Variants in SLC5A8 observed in about 807,000 individuals in gnomAD.
SLC5A8 encodes solute carrier family 5 member 8.
A neutral mutation model predicts 71.9 loss-of-function variants in SLC5A8; 55 were observed. That is an observed-to-expected ratio of 0.77 (90% CI 0.62 to 0.96). The LOEUF is 0.96. SLC5A8 is among the 40% of genes least tolerant of loss of function. The pLI, the probability that SLC5A8 is intolerant of heterozygous loss-of-function variation, is 0.00. For synonymous variants in SLC5A8, 307 were observed against 276.1 expected (o/e 1.11, Z -1.11); for missense variants, 701 against 745.3 (o/e 0.94, Z 0.69).
intron 12 of SLC5A8, among the ~76,000 whole-genome samples, chr12:101,163,103 G>A (rs1403186312): frequency 6.6e-6 from 1 of 152,156 alleles, no homozygotes; most frequent in Admixed American, 6.5e-5. Context: ...CTGAGGCACA[G>A]TGAGCAAGAC....
chr12:101,179,526 A>G (rs1019100206), intron 10 of SLC5A8, among the ~76,000 whole-genome samples: 3 of 152,216 alleles, frequency 2.0e-5, no homozygotes, highest in Non-Finnish European at 4.4e-5. Context: ...GAATTATGCC[A>G]AGTGAAAAAG....
At chr12:101,193,305 CTT>C (rs1389200898) in intron 5 of SLC5A8, among the ~76,000 whole-genome samples, 1 of 152,160 alleles carries the variant, frequency 6.6e-6, no homozygotes, top group East Asian at 1.9e-4. Flanking sequence ...TCCACTGTCT[CTT>C]TCCTTATCAC....
At chr12:101,185,457 G>C (rs1424572120) in intron 7 of SLC5A8, among the ~76,000 whole-genome samples, 1 of 152,234 alleles carries the variant, frequency 6.6e-6, no homozygotes, top group South Asian at 2.1e-4. Context: ...CAATGAAATA[G>C]GATTGATGGA....
chr12:101,161,889 TA>T, intron 13 of SLC5A8, 84 bp downstream of exon 13: 1 of 981,964 alleles, frequency 1.0e-6, no homozygotes, highest in Non-Finnish European at 1.6e-6. Flanking sequence ...AGGATCATAG[TA>T]AAATAACATA....
intron 1 of SLC5A8, among the ~76,000 whole-genome samples, chr12:101,206,896 T>G (rs144928499): frequency 2.4e-4 from 37 of 152,180 alleles, no homozygotes; most frequent in African/African-American, 7.0e-4. Context: ...GACTACATTT[T>G]GAAGGCAGTG....
intron 11 of SLC5A8, among the ~76,000 whole-genome samples, chr12:101,167,639 GGGAGCTACAGCTTTAAATGTCA>G (rs2051786106): frequency 6.6e-6 from 1 of 152,152 alleles, no homozygotes; most frequent in Non-Finnish European, 1.5e-5. Flanking sequence ...ATCATGTTGT[GGGAGCTACAGCTTTAAATGTCA>G]GGAGTAGAAA....
rs970937262 is a variant in SLC5A8 at position 101,210,025 on chromosome 12, G to A, written c.-177C>T. The A allele has an allele frequency of 7.2e-6, 4 of 558,420 alleles. No individual in the cohort carries two copies. Among genetic ancestry groups the A allele is most frequent in the African/African-American group, 6.0e-5 (3 of 49,818 alleles). The allele number at this position is 558,420 out of a possible 1,614,324, so 34.6% of individuals were successfully genotyped here. On this transcript the variant is annotated 5_prime_UTR_variant, in exon 1 of 15. Transcript: ENST00000536262. The stretch of plus-strand genomic sequence containing the variant: ...GCACCCCGAGGCGGGGTGAGGGCTG[G>A]CAGTCGCCCCTGCACCCGCCGCTGC...
chr12:101,157,540 G>C (rs1593357388), intron 14 of SLC5A8, 139 bp from the exon 15 acceptor site: 1 of 1,048,520 alleles, frequency 9.5e-7, no homozygotes, highest in Middle Eastern at 3.1e-4. Flanking sequence ...TATATAACAG[G>C]TATACTTCCT....
At chr12:101,161,661 C>T (rs1299681475) in intron 13 of SLC5A8, among the ~76,000 whole-genome samples, 1 of 152,100 alleles carries the variant, frequency 6.6e-6, no homozygotes, top group Non-Finnish European at 1.5e-5. Flanking sequence ...TTATTTTTGT[C>T]TTACAGCAAC....
intron 2 of SLC5A8, among the ~76,000 whole-genome samples, chr12:101,203,436 C>T (rs538762174): frequency 6.6e-6 from 1 of 152,172 alleles, no homozygotes; most frequent in Non-Finnish European, 1.5e-5. Context: ...CAACTTCTGC[C>T]TCCTGGGTTC....
At chr12:101,172,471 C>T (rs1255226902) in intron 10 of SLC5A8, among the ~76,000 whole-genome samples, 1 of 152,112 alleles carries the variant, frequency 6.6e-6, no homozygotes, top group African/African-American at 2.4e-5. Flanking sequence ...AATTTGGAAG[C>T]ACCCTTCAGC....
chr12:101,202,412 G>A (rs1869495129), intron 2 of SLC5A8, among the ~76,000 whole-genome samples, 197 bp from the exon 3 acceptor site: 1 of 152,020 alleles, frequency 6.6e-6, no homozygotes, highest in South Asian at 2.1e-4. Context: ...CGGTATGACC[G>A]GTCATAAGTT....
intron 7 of SLC5A8, among the ~76,000 whole-genome samples, chr12:101,186,204 T>C (rs767290467): frequency 8.1e-6 from 1 of 123,536 alleles, no homozygotes; most frequent in Non-Finnish European, 1.6e-5. Context: ...TCACAAAATA[T>C]TCTTTATTAG....
intron 10 of SLC5A8, among the ~76,000 whole-genome samples, chr12:101,174,819 T>C (rs1415941079): frequency 1.3e-5 from 2 of 152,164 alleles, no homozygotes; most frequent in Non-Finnish European, 1.5e-5. Flanking sequence ...GCACCCTCCC[T>C]TACGCTACTG....
chr12:101,171,786 G>C (rs1192270290), intron 10 of SLC5A8, among the ~76,000 whole-genome samples: 1 of 152,172 alleles, frequency 6.6e-6, no homozygotes, highest in African/African-American at 2.4e-5. Context: ...AAATGTGGTG[G>C]AGGCTGTCAG....
chr12:101,179,759 G>C (rs1004349660), intron 10 of SLC5A8, among the ~76,000 whole-genome samples: 2 of 152,132 alleles, frequency 1.3e-5, no homozygotes, highest in African/African-American at 4.8e-5. Flanking sequence ...GTACTATCAA[G>C]ATGTTACCAC....
intron 3 of SLC5A8, among the ~76,000 whole-genome samples, chr12:101,200,046 A>AAAAAAAAAAAAAAAAAAAAAAAAAAT (rs1869383217): frequency 1.0e-5 from 1 of 100,480 alleles, no homozygotes; most frequent in Non-Finnish European, 2.0e-5. Flanking sequence ...AAAAAAAAAA[A>AAAAAAAAAAAAAAAAAAAAAAAAAAT]AAAAAAAAGG....
chr12:101,195,275 C>CA (rs1869121418), intron 3 of SLC5A8, 113 bp from the exon 4 acceptor site: 1 of 1,084,218 alleles, frequency 9.2e-7, no homozygotes, highest in Admixed American at 2.2e-5. Context: ...TTCCTCTATA[C>CA]CCACTTGCCT....
chr12:101,161,670 A>G (rs188488458), intron 13 of SLC5A8, among the ~76,000 whole-genome samples: 7 of 152,326 alleles, frequency 4.6e-5, no homozygotes, highest in East Asian at 1.9e-4. Context: ...TCTTACAGCA[A>G]CTTGTGAGAT....
Sources: allele counts gnomAD v4.1 joint callset (sites outside exome capture counted in the v4.1 genomes callset), GRCh38; gene constraint gnomAD v4.1.1; transcripts MANE v1.5; gene names NCBI Gene and HGNC (gene_info 2026-07-23, HGNC 2026-07-21).